The following PPFIA1 variants were observed in gnomAD, a reference collection of about 807,000 sequenced individuals.
PPFIA1 encodes PPFI scaffold protein A1, also known as liprin-alpha-1.
A neutral mutation model predicts 149.9 loss-of-function variants in PPFIA1; 25 were observed. That is an observed-to-expected ratio of 0.17 (90% CI 0.12 to 0.23). PPFIA1 has a LOEUF of 0.23. PPFIA1 is among the 10% of genes least tolerant of loss of function. The probability of loss-of-function intolerance (pLI) is 1.00; values close to 1 mark genes in which losing one functional copy is unlikely to be tolerated. For missense variants in PPFIA1, 1,362 were observed against 1,506.5 expected, an observed-to-expected ratio of 0.90 and a Z score of 1.59; for synonymous variants, 549 against 552.8, an observed-to-expected ratio of 0.99 and a Z score of 0.10.
chr11:70,320,153 C>T (rs1467743815), intron 2 of PPFIA1: 3 of 152,222 alleles, frequency 2.0e-5, no homozygotes, highest in Non-Finnish European at 4.4e-5. Context: ...TGGAAGCACT[C>T]ACTTGTGCTT....
At chr11:70,297,941 G>A (rs1313527334) in intron 2 of PPFIA1, among the ~76,000 whole-genome samples, 2 of 152,192 alleles carry the variant, frequency 1.3e-5, no homozygotes, top group Non-Finnish European at 2.9e-5. Context: ...GCAACAGCAT[G>A]ATAAAACCCT....
At position 70,354,385 on chromosome 11, in the gene PPFIA1, C is replaced by T. The variant is rs374396970; in HGVS notation, c.2248C>T (p.Arg750Trp). The T allele has an allele frequency of 6.8e-5, 110 of 1,613,920 alleles. No individual in the cohort carries two copies. The highest frequency in any genetic ancestry group is 2.1e-4 in the South Asian group (19 of 91,060). Residue 750 changes from arginine (R) to tryptophan (W), a missense_variant, in exon 17 of 28, where the codon CGG becomes TGG. Arg to Trp is a moderately radical substitution (Grantham distance 101). Transcript: ENST00000253925. ...TSPPSSPRALRLDRLHKGALH... is the reference protein window; with the variant it reads ...TSPPSSPRALWLDRLHKGALH... ...CCCGCCTTCCTCCCCGAGAGCCCTTCGGTTAGACCGGCTGCACAAAGGGGC... is the reference window on the plus strand; with the variant it reads ...CCCGCCTTCCTCCCCGAGAGCCCTTTGGTTAGACCGGCTGCACAAAGGGGC...
chr11:70,363,365 T>G (rs901837131), intron 21 of PPFIA1: 23 of 152,254 alleles, frequency 1.5e-4, no homozygotes, highest in Non-Finnish European at 7.3e-5. Flanking sequence ...ATTCACTCTC[T>G]TGTGTCTGGC....
chr11:70,326,598 G>T lies in PPFIA1; in HGVS notation c.710G>T (p.Arg237Ile). ...AGGATTTTTTTTTCCCCCTATCAGA[G>T]ATCTTCTGATGGTTCTTTAAGCCAC... ...QENTPSTSGK[R>I]SSDGSLSHEE... The change falls in exon 7 of 28, where the codon AGA (arginine) becomes ATA (isoleucine). Residue 237 changes from arginine (R) to isoleucine (I), a missense_variant and splice_region_variant. Arg to Ile is a moderately conservative substitution (Grantham distance 97). Transcript: ENST00000253925. 1 of 1,609,022 alleles carries T rather than the reference G, an allele frequency of 6.2e-7. No individual in the cohort carries two copies.
At chr11:70,294,086 A>G (rs2136238723) in intron 2 of PPFIA1, among the ~76,000 whole-genome samples, 1 of 151,664 alleles carries the variant, frequency 6.6e-6, no homozygotes, top group Non-Finnish European at 1.5e-5. Flanking sequence ...ATTGGTGTGC[A>G]GTGCACCACC....
At chr11:70,361,400 T>C (rs1008660179) in intron 19 of PPFIA1, among the ~76,000 whole-genome samples, 3 of 152,320 alleles carry the variant, frequency 2.0e-5, no homozygotes, top group Non-Finnish European at 4.4e-5. Flanking sequence ...GGAATGTAAG[T>C]GCTATGTAAA....
At chr11:70,328,206 C>G (rs761733108) in intron 7 of PPFIA1, among the ~76,000 whole-genome samples, 8 of 152,048 alleles carry the variant, frequency 5.3e-5, no homozygotes, top group Non-Finnish European at 1.0e-4. Flanking sequence ...GTTATTTTTC[C>G]TGATCCTCTT....
chr11:70,289,376 C>T (rs1263555478), intron 2 of PPFIA1, among the ~76,000 whole-genome samples: 1 of 152,064 alleles, frequency 6.6e-6, no homozygotes, highest in Non-Finnish European at 1.5e-5. Context: ...GTTTTTTCCC[C>T]TTATTTTATA....
Position 70,272,267 on chromosome 11 carries a change from C to T in PPFIA1, c.95C>T (p.Ala32Val). Residue 32 changes from alanine to valine, a missense_variant, in exon 2 of 28, where the codon GCA (alanine) becomes GTA (valine). Coordinates refer to ENST00000253925, the MANE Select transcript of PPFIA1 (RefSeq NM_003626.5). ...TCCGGCTCCCCTTCACAGCCAGATGCAGATTCACATTTTGAACAGTTGATG... is the reference window on the plus strand; with the variant it reads ...TCCGGCTCCCCTTCACAGCCAGATGTAGATTCACATTTTGAACAGTTGATG... The part of the protein sequence containing the change: ...HGSGSPSQPD[A>V]DSHFEQLMVS... 1 of 1,614,188 alleles carries T rather than the reference C, an allele frequency of 6.2e-7. No individual in the cohort carries two copies. Among genetic ancestry groups the T allele is most frequent in the Non-Finnish European group, 8.5e-7 (1 of 1,180,034 alleles).
chr11:70,341,812 G>GGGT (rs1382976084), intron 14 of PPFIA1: 1 of 153,126 alleles, frequency 6.5e-6, no homozygotes, highest in African/African-American at 2.4e-5. Context: ...GGGACCAACT[G>GGGT]GGTAGAGTGC....
chr11:70,323,869 G>C (rs923686496), intron 2 of PPFIA1, among the ~76,000 whole-genome samples: 3 of 152,142 alleles, frequency 2.0e-5, no homozygotes, highest in African/African-American at 4.8e-5. Context: ...TCAGCTACTT[G>C]GGAGGGTCAC....
In PPFIA1 at chr11:70,300,114, G is replaced by A. The variant is rs144403102; in HGVS notation, c.265-24288G>A. On this transcript the variant is annotated intron_variant, in intron 2 of 27. Transcript: ENST00000253925. ...GCCATGCCCTCTGCCCCTTCCACCC[G>A]CCCCACAGATCTCCCTCCATCACTG... Among the ~76,000 whole-genome samples the A allele has an allele frequency of 5.2e-3, 761 of 146,202 alleles. 3 individuals are homozygous for A. Among genetic ancestry groups the A allele is most frequent in the African/African-American group, 0.017 (687 of 39,346 alleles).
At chr11:70,299,817 C>T (rs1330454584) in intron 2 of PPFIA1, among the ~76,000 whole-genome samples, 4 of 152,160 alleles carry the variant, frequency 2.6e-5, no homozygotes, top group East Asian at 1.9e-4. Context: ...GCCGGGACCT[C>T]GGTGCCTGTG....
rs558073871 is a variant in PPFIA1 at position 70,321,946 on chromosome 11, C to T, written c.265-2456C>T. ...ATGCAGTGGTGCAATCTCGGCCCAC[C>T]GGAACCTCCACCTCCCGGGTTCAAG... On this transcript the variant is annotated intron_variant, in intron 2 of 27. Transcript: ENST00000253925. Among the ~76,000 whole-genome samples, 13 of 152,316 alleles carry T rather than the reference C, an allele frequency of 8.5e-5. No individual in the cohort carries two copies. The East Asian group carries it at 1.4e-3, about 16-fold the overall frequency.
chr11:70,300,818 C>T (rs1009526213), intron 2 of PPFIA1, among the ~76,000 whole-genome samples: 1 of 152,172 alleles, frequency 6.6e-6, no homozygotes, highest in Non-Finnish European at 1.5e-5. Flanking sequence ...CAGGCATGAG[C>T]CACCGCGCCC....
chr11:70,337,926 C>T (rs1170730627), intron 12 of PPFIA1, among the ~76,000 whole-genome samples: 1 of 152,162 alleles, frequency 6.6e-6, no homozygotes, highest in South Asian at 2.1e-4. Flanking sequence ...TCAGTAGCCA[C>T]GTCTGGCCAG....
At chr11:70,356,049 G>C in intron 18 of PPFIA1, 112 bp from the exon 19 acceptor site, 1 of 1,068,256 alleles carries the variant, frequency 9.4e-7, no homozygotes, top group East Asian at 2.4e-5. Flanking sequence ...CAGAAACTTA[G>C]CCTTAAGAAA....
chr11:70,354,144 G>A (rs1386553547), intron 16 of PPFIA1, 157 bp from the exon 17 acceptor site: 1 of 713,980 alleles, frequency 1.4e-6, no homozygotes, highest in Non-Finnish European at 2.3e-6. Context: ...GTGCTGTGCT[G>A]CGTGGCCCTT....
At chr11:70,344,192 G>A (rs1449431246) in intron 15 of PPFIA1, among the ~76,000 whole-genome samples, 1 of 152,222 alleles carries the variant, frequency 6.6e-6, no homozygotes, top group Non-Finnish European at 1.5e-5. Context: ...TGCTGAAGGG[G>A]CTCAGCCCAG....
Sources: gnomAD v4.1 joint callset for allele counts (sites outside exome capture counted in the v4.1 genomes callset) on GRCh38, gnomAD v4.1.1 for gene constraint, MANE v1.5 for transcripts, NCBI Gene and HGNC (gene_info 2026-07-23, HGNC 2026-07-21) for gene names.